Variants in NIBAN1 observed in about 807,000 individuals in gnomAD.
NIBAN1 encodes the protein niban apoptosis regulator 1.
A neutral mutation model predicts 75.1 loss-of-function variants in NIBAN1; 81 were observed. The observed-to-expected ratio is 1.08, with a 90% CI of 0.90 to 1.30. The LOEUF (loss-of-function observed/expected upper bound fraction) is 1.30. NIBAN1 is among the 50% of genes most tolerant of loss of function. The pLI, the probability that NIBAN1 is intolerant of heterozygous loss-of-function variation, is 0.00. For missense variants in NIBAN1, 1,133 were observed against 1,128.1 expected, an observed-to-expected ratio of 1.00 and a Z score of -0.06; for synonymous variants, 436 against 424.8, an observed-to-expected ratio of 1.03 and a Z score of -0.32.
At chr1:184,861,860 T>C (rs1230505561) in intron 5 of NIBAN1, among the ~76,000 whole-genome samples, 1 of 152,066 alleles carries the variant, frequency 6.6e-6, no homozygotes, top group Non-Finnish European at 1.5e-5. Flanking sequence ...TCTTCATAAT[T>C]AATCTTGCTC....
chr1:184,882,978 A>C (rs1450061399), intron 5 of NIBAN1, among the ~76,000 whole-genome samples: 2 of 152,168 alleles, frequency 1.3e-5, no homozygotes, highest in African/African-American at 4.8e-5. Flanking sequence ...TATGATGATG[A>C]ATGTTACTCA....
chr1:184,892,160 A>C (rs992041587), intron 3 of NIBAN1, among the ~76,000 whole-genome samples: 1 of 152,244 alleles, frequency 6.6e-6, no homozygotes, highest in African/African-American at 2.4e-5. Flanking sequence ...CCAATGGGTT[A>C]GTAGTAATCA....
chr1:184,874,126 C>G (rs1203278467), intron 5 of NIBAN1, among the ~76,000 whole-genome samples: 1 of 150,784 alleles, frequency 6.6e-6, no homozygotes, highest in East Asian at 1.9e-4. Flanking sequence ...TCTAGGATAC[C>G]CACTAACAAA....
chr1:184,809,053 A>AAATGGAGG (rs1654291289), intron 9 of NIBAN1, among the ~76,000 whole-genome samples: 2 of 152,230 alleles, frequency 1.3e-5, no homozygotes, highest in Admixed American at 1.3e-4. Context: ...AAGGTTCTGA[A>AAATGGAGG]AATGGAGGCT....
intron 5 of NIBAN1, among the ~76,000 whole-genome samples, chr1:184,865,557 T>C (rs961704530): frequency 2.9e-4 from 44 of 152,154 alleles, no homozygotes; most frequent in African/African-American, 9.9e-4. Flanking sequence ...TCACACAGTA[T>C]ACCAATGTAA....
intron 5 of NIBAN1, among the ~76,000 whole-genome samples, chr1:184,832,347 C>T (rs1324434579): frequency 6.6e-6 from 1 of 152,198 alleles, no homozygotes; most frequent in Non-Finnish European, 1.5e-5. Flanking sequence ...AAAGTATCTC[C>T]TTCCAGTTTC....
Position 184,793,852 on chromosome 1 carries a change from T to C in NIBAN1, c.*1125A>G, listed in dbSNP as rs540116196. 4.3e-4 allele frequency: 65 copies of C among 152,364 alleles called. No homozygotes were observed. Among genetic ancestry groups the C allele is most frequent in the African/African-American group, 1.5e-3 (63 of 41,598 alleles). The allele number at this position is 152,364 out of a possible 1,614,324, so 9.4% of individuals were successfully genotyped here. ...GGTATATAACAGAGACTCAATTAGC[T>C]TGCTGAATGACCAAACAAATGATTT... On this transcript the variant is annotated 3_prime_UTR_variant, in exon 14 of 14. Transcript: ENST00000367511.
At chr1:184,957,680 G>T (rs1188483535) in intron 1 of NIBAN1, among the ~76,000 whole-genome samples, 1 of 152,136 alleles carries the variant, frequency 6.6e-6, no homozygotes, top group Non-Finnish European at 1.5e-5. Context: ...ATTCATTTCT[G>T]ACCCTCCTTT....
chr1:184,883,014 C>T (rs1325146340), intron 5 of NIBAN1, among the ~76,000 whole-genome samples: 1 of 152,084 alleles, frequency 6.6e-6, no homozygotes, highest in Non-Finnish European at 1.5e-5. Flanking sequence ...AACAGACTGA[C>T]CTTATCTTTT....
chr1:184,968,636 A>T (rs1658859787), intron 1 of NIBAN1, among the ~76,000 whole-genome samples: 1 of 152,170 alleles, frequency 6.6e-6, no homozygotes, highest in East Asian at 1.9e-4. Context: ...CTTTCTTTGG[A>T]TTACTTTTTC....
intron 4 of NIBAN1, among the ~76,000 whole-genome samples, chr1:184,886,549 T>C (rs963083255): frequency 6.6e-6 from 1 of 152,132 alleles, no homozygotes; most frequent in Non-Finnish European, 1.5e-5. Flanking sequence ...TCCAAGCAAC[T>C]CATTTTAAAC....
Position 184,823,097 on chromosome 1 carries a change from C to T in NIBAN1, c.985+70G>A. 5 of 1,526,202 alleles carry T rather than the reference C, an allele frequency of 3.3e-6. No homozygotes were observed. The East Asian group carries it at 6.8e-5, about 21-fold the overall frequency. 94.5% of individuals were successfully genotyped at this position (1,526,202 alleles called of 1,614,324 possible). A position where few individuals can be genotyped will look rare whatever the true frequency, so the allele number is the denominator to read the frequency against. ...TAATTATCCTCTGAAACCATGCATTCCTGCTATGTGGTGGATCCCTGCATG... is the reference window on the plus strand; with the variant it reads ...TAATTATCCTCTGAAACCATGCATTTCTGCTATGTGGTGGATCCCTGCATG... On this transcript the variant is annotated intron_variant, in intron 8 of 13. Coordinates refer to ENST00000367511, the MANE Select transcript of NIBAN1 (RefSeq NM_052966.4).
Position 184,901,339 on chromosome 1 carries a change from T to G in NIBAN1, c.56-2030A>C, listed in dbSNP as rs528175178. On this transcript the variant is annotated intron_variant, in intron 1 of 13. Transcript: ENST00000367511. ...TAATTTGAATCAGGCATGCTTTTGC[T>G]TGCTCTGTGCATTTATGGTATTACT... Among the ~76,000 whole-genome samples the G allele has an allele frequency of 5.3e-5, 8 of 152,334 alleles. No homozygotes were observed. In the East Asian group the frequency reaches 1.5e-3, roughly 29 times the overall value.
chr1:184,810,968 C>A (rs644729), intron 9 of NIBAN1, among the ~76,000 whole-genome samples: 2 of 152,138 alleles, frequency 1.3e-5, no homozygotes, highest in Non-Finnish European at 2.9e-5. Context: ...TCTCTCAGAG[C>A]GGCTGGGGAT....
At chr1:184,943,603 A>AG (rs2102052954) in intron 1 of NIBAN1, among the ~76,000 whole-genome samples, 1 of 55,110 alleles carries the variant, frequency 1.8e-5, no homozygotes, top group Admixed American at 1.7e-4. Context: ...CAACTTGCTA[A>AG]GGAATGCAAT....
chr1:184,905,215 CA>C (rs1657060979), intron 1 of NIBAN1, among the ~76,000 whole-genome samples: 1 of 152,010 alleles, frequency 6.6e-6, no homozygotes. Context: ...ACCTTGGTCC[CA>C]CTCAAAGGTA....
intron 9 of NIBAN1, among the ~76,000 whole-genome samples, chr1:184,816,815 GTTTT>G (rs1654549568): frequency 6.7e-6 from 1 of 149,976 alleles, no homozygotes; most frequent in African/African-American, 2.5e-5. Flanking sequence ...AATGACTAAG[GTTTT>G]GGTCATTTTC....
In NIBAN1 at chr1:184,795,151, C is replaced by T. The variant is rs369809508; in HGVS notation, c.2613G>A (p.Ala871=). ...CATTCACACTGGCCGTGGCCTGGGCCGCGCTGCTTTGCCCTCCCATCTCTT... is the reference window on the plus strand; with the variant it reads ...CATTCACACTGGCCGTGGCCTGGGCTGCGCTGCTTTGCCCTCCCATCTCTT... ...EQEEMGGQSS[A]AQATASVNAE... The change falls in exon 14 of 14, where the codon GCG becomes GCA. Residue 871 remains alanine (A), a synonymous_variant. Coordinates refer to ENST00000367511, the MANE Select transcript of NIBAN1 (RefSeq NM_052966.4). The T allele has an allele frequency of 5.1e-5, 83 of 1,614,074 alleles. No individual in the cohort carries two copies. The highest frequency in any genetic ancestry group is 1.6e-4 in the Middle Eastern group (1 of 6,084).
At chr1:184,812,563 C>T (rs1234637817) in intron 9 of NIBAN1, among the ~76,000 whole-genome samples, 1 of 152,216 alleles carries the variant, frequency 6.6e-6, no homozygotes, top group Non-Finnish European at 1.5e-5. Context: ...TTATCTCCAT[C>T]TTGTTTTATG....
Sources: gnomAD v4.1 joint callset for allele counts (sites outside exome capture counted in the v4.1 genomes callset) on GRCh38, gnomAD v4.1.1 for gene constraint, MANE v1.5 for transcripts, NCBI Gene and HGNC (gene_info 2026-07-23, HGNC 2026-07-21) for gene names.